GPHN: variants seen among roughly 807,000 people sequenced by gnomAD.
The protein encoded by GPHN is gephyrin.
A neutral mutation model predicts 95.5 loss-of-function variants in GPHN; 17 were observed. That is an observed-to-expected ratio of 0.18 (90% CI 0.12 to 0.27). The LOEUF is 0.27. GPHN is among the 10% of genes least tolerant of loss of function. The pLI is 1.00. For missense variants in GPHN, 660 were observed against 978.1 expected (o/e 0.67, Z 4.34); for synonymous variants, 320 against 322.5 (o/e 0.99, Z 0.08).
At chr14:67,173,756 T>C (rs1473336827) in intron 21 of GPHN, among the ~76,000 whole-genome samples, 2 of 151,994 alleles carry the variant, frequency 1.3e-5, no homozygotes, top group Non-Finnish European at 2.9e-5. Context: ...AAAGTAATTA[T>C]CTGAAGGAAA....
chr14:67,065,951 T>C (rs2076039928), intron 11 of GPHN, among the ~76,000 whole-genome samples: 1 of 151,978 alleles, frequency 6.6e-6, no homozygotes, highest in Admixed American at 6.5e-5. Context: ...AGGTCCATAT[T>C]GTTAGGTGTA....
chr14:67,385,767 C>T, the GPHN span: 38 of 151,420 alleles, frequency 2.5e-4, no homozygotes, highest in African/African-American at 9.2e-4. Context: ...TGTGAGCCAC[C>T]ATGCCCCACC....
chr14:67,277,641 C>T, the GPHN span, among the ~76,000 whole-genome samples: 1 of 151,866 alleles, frequency 6.6e-6, no homozygotes, highest in African/African-American at 2.4e-5. Context: ...TGGGTTTACA[C>T]ATATGTAAAC....
At chr14:67,285,219 TAAA>T in the GPHN span, among the ~76,000 whole-genome samples, 4 of 152,174 alleles carry the variant, frequency 2.6e-5, no homozygotes, top group Non-Finnish European at 4.4e-5. Flanking sequence ...GAGGACAGGT[TAAA>T]AGAGTTGGAA....
chr14:66,834,691 A>G (rs1041434930), intron 4 of GPHN, among the ~76,000 whole-genome samples: 1 of 151,948 alleles, frequency 6.6e-6, no homozygotes, highest in Non-Finnish European at 1.5e-5. Flanking sequence ...ATCAATGTTC[A>G]TCAAGGGTAT....
chr14:67,043,223 G>A (rs752229572), intron 10 of GPHN, among the ~76,000 whole-genome samples: 35 of 152,062 alleles, frequency 2.3e-4, no homozygotes, highest in Admixed American at 1.2e-3. Context: ...ATCCTTTATC[G>A]CTTTCTCTTG....
rs533785514 is a variant in GPHN at position 67,136,382 on chromosome 14, C to A, written c.1749-6980C>A. On this transcript the variant is annotated intron_variant, in intron 17 of 22. Transcript: ENST00000478722. ...AAGTACAAAAAATAAACAGTCCAAG[C>A]CTCTGTGCTTCCTGGACGGTTTTGT... Among the ~76,000 whole-genome samples the A allele has an allele frequency of 3.3e-5, 5 of 152,310 alleles. No individual in the cohort carries two copies. The South Asian group carries it at 6.2e-4, about 19-fold the overall frequency.
In GPHN at chr14:66,842,548, A is replaced by G. The variant is rs920762492; in HGVS notation, c.294+17982A>G. ...TTTCCCATAACTCAGAAATGGTTTC[A>G]TTCTGAGGAAGGGAGAAGGTTCAGG... On this transcript the variant is annotated intron_variant, in intron 4 of 22. Coordinates refer to ENST00000478722, the MANE Select transcript of GPHN (RefSeq NM_020806.5). 5 of 643,242 alleles carry G rather than the reference A, an allele frequency of 7.8e-6. No individual in the cohort carries two copies. In the African/African-American group the frequency reaches 9.2e-5, roughly 12 times the overall value. 39.8% of individuals were successfully genotyped at this position (643,242 alleles called of 1,614,324 possible). A position where few individuals can be genotyped will look rare whatever the true frequency, so the allele number is the denominator to read the frequency against.
chr14:66,541,777 G>T (rs1027232221), intron 1 of GPHN, among the ~76,000 whole-genome samples: 1 of 152,172 alleles, frequency 6.6e-6, no homozygotes, highest in East Asian at 1.9e-4. Flanking sequence ...CCTTTTGGAG[G>T]TTAGTATGCC....
intron 10 of GPHN, among the ~76,000 whole-genome samples, chr14:67,049,362 G>C (rs1390387349): frequency 6.6e-6 from 1 of 151,778 alleles, no homozygotes; most frequent in Non-Finnish European, 1.5e-5. Flanking sequence ...GGAGTAGCTG[G>C]GACTACAGGC....
intron 11 of GPHN, among the ~76,000 whole-genome samples, chr14:67,074,228 A>G (rs890670234): frequency 4.0e-5 from 6 of 150,304 alleles, no homozygotes; most frequent in Admixed American, 2.7e-4. Flanking sequence ...TGGCAGTCCT[A>G]CATTGAGCAA....
chr14:66,634,945 T>G (rs1313988558), intron 1 of GPHN, among the ~76,000 whole-genome samples: 1 of 152,156 alleles, frequency 6.6e-6, no homozygotes, highest in Non-Finnish European at 1.5e-5. Context: ...TATTATCTCT[T>G]TCAGTTATGT....
At chr14:66,631,701 G>C (rs1489637511) in intron 1 of GPHN, among the ~76,000 whole-genome samples, 2 of 151,988 alleles carry the variant, frequency 1.3e-5, no homozygotes, top group Admixed American at 6.5e-5. Flanking sequence ...TTGTATTAAG[G>C]CTCATACTGT....
chr14:66,827,298 G>A (rs1301991335), intron 4 of GPHN, among the ~76,000 whole-genome samples: 1 of 151,508 alleles, frequency 6.6e-6, no homozygotes, highest in Non-Finnish European at 1.5e-5. Flanking sequence ...AAAAAAAGGC[G>A]GGGTGAGGGG....
chr14:67,549,311 C>T, the GPHN span, among the ~76,000 whole-genome samples: 3 of 151,260 alleles, frequency 2.0e-5, no homozygotes, highest in Non-Finnish European at 2.9e-5. Flanking sequence ...CACTTTGTCA[C>T]CTAGGCTGGA....
intron 1 of GPHN, among the ~76,000 whole-genome samples, chr14:66,517,126 C>CAA (rs1171024713): frequency 5.8e-4 from 18 of 30,984 alleles, no homozygotes; most frequent in Non-Finnish European, 8.2e-4. Context: ...GACTCCATCT[C>CAA]AAAAAAAAAA....
intron 1 of GPHN, among the ~76,000 whole-genome samples, chr14:66,583,044 C>T (rs1316650189): frequency 6.6e-6 from 1 of 151,948 alleles, no homozygotes; most frequent in Non-Finnish European, 1.5e-5. Flanking sequence ...TCTCCAGCAC[C>T]TGTTGTTTCC....
chr14:66,672,396 A>T (rs2066347753), intron 1 of GPHN, among the ~76,000 whole-genome samples: 9 of 152,144 alleles, frequency 5.9e-5, no homozygotes, highest in Admixed American at 5.9e-4. Context: ...TATTGGATGA[A>T]GTCATCAATA....
chr14:67,580,837 G>A, the GPHN span: 1 of 755,934 alleles, frequency 1.3e-6, no homozygotes, highest in East Asian at 2.6e-5. Context: ...CTTTTCCTTA[G>A]TTTTCTTTGC....
Sources: gnomAD v4.1 joint callset for allele counts (sites outside exome capture counted in the v4.1 genomes callset) on GRCh38, gnomAD v4.1.1 for gene constraint, MANE v1.5 for transcripts, NCBI Gene and HGNC (gene_info 2026-07-23, HGNC 2026-07-21) for gene names.